Variants in PAX7 observed in about 807,000 individuals in gnomAD.
PAX7 encodes paired box protein Pax-7.
In PAX7, 18 loss-of-function variants were observed where a neutral mutation model predicts 50.7. That is an observed-to-expected ratio of 0.36 (90% CI 0.25 to 0.53). The LOEUF is 0.53. Ranked by LOEUF, PAX7 falls within the 20% of genes least tolerant of loss-of-function variation. The pLI, the probability that PAX7 is intolerant of heterozygous loss-of-function variation, is 0.93. For synonymous variants in PAX7, 310 were observed against 290.4 expected, an observed-to-expected ratio of 1.07 and a Z score of -0.69; for missense variants, 644 against 702.9, an observed-to-expected ratio of 0.92 and a Z score of 0.95.
intron 4 of PAX7, among the ~76,000 whole-genome samples, chr1:18,675,336 A>G (rs1057281522): frequency 6.6e-6 from 1 of 152,174 alleles, no homozygotes; most frequent in Non-Finnish European, 1.5e-5. Flanking sequence ...CAGCAACAGA[A>G]CCACAGCATC....
At chr1:18,679,742 G>T (rs1337664129) in intron 4 of PAX7, among the ~76,000 whole-genome samples, 1 of 152,178 alleles carries the variant, frequency 6.6e-6, no homozygotes, top group Non-Finnish European at 1.5e-5. Flanking sequence ...GATCTGCAAA[G>T]CCTCCACCGT....
chr1:18,691,300 T>A (rs1202829957), intron 4 of PAX7, among the ~76,000 whole-genome samples: 2 of 152,128 alleles, frequency 1.3e-5, no homozygotes, highest in Non-Finnish European at 2.9e-5. Context: ...AAAGTCAGGA[T>A]TATTGAGGTA....
chr1:18,643,810 G>A (rs1200120277), intron 4 of PAX7, among the ~76,000 whole-genome samples: 1 of 152,228 alleles, frequency 6.6e-6, no homozygotes, highest in East Asian at 1.9e-4. Context: ...TTAATTAGAG[G>A]CGAGCGAGCT....
At chr1:18,713,293 G>A (rs892600140) in intron 7 of PAX7, among the ~76,000 whole-genome samples, 2 of 152,126 alleles carry the variant, frequency 1.3e-5, no homozygotes, top group African/African-American at 4.8e-5. Context: ...TGTTGTCAGG[G>A]ACCATGGTCT....
chr1:18,733,993 G>A (rs2089679624), intron 7 of PAX7, among the ~76,000 whole-genome samples: 1 of 152,156 alleles, frequency 6.6e-6, no homozygotes, highest in Admixed American at 6.5e-5. Flanking sequence ...ACTGCTCAGG[G>A]ATACTCCCGA....
At chr1:18,691,153 C>CT (rs1271346700) in intron 4 of PAX7, among the ~76,000 whole-genome samples, 1 of 152,082 alleles carries the variant, frequency 6.6e-6, no homozygotes, top group Admixed American at 6.6e-5. Flanking sequence ...AATTTTCTTA[C>CT]TTTTTTCTGG....
In PAX7 at chr1:18,631,250, G is replaced by C. The variant is rs1346886471; in HGVS notation, c.-354G>C. 4.0e-6 allele frequency: 1 copy of C among 250,706 alleles called. No individual in the cohort carries two copies. Among genetic ancestry groups the C allele is most frequent in the Non-Finnish European group, 7.7e-6 (1 of 130,154 alleles). The allele number at this position is 250,706 out of a possible 1,614,324, so 15.5% of individuals were successfully genotyped here. On this transcript the variant is annotated 5_prime_UTR_variant, in exon 1 of 9. Transcript: ENST00000420770. ...CGTTCCCCCGGCCCCCCTCCGCCGCGGGGCCTGGTCTCCGGGTTCTGCCAG... is the reference window on the plus strand; with the variant it reads ...CGTTCCCCCGGCCCCCCTCCGCCGCCGGGCCTGGTCTCCGGGTTCTGCCAG...
chr1:18,631,469 G>A lies in PAX7; in HGVS notation c.-135G>A, dbSNP rs2088044472. ...GGTGGGGGGTGGGGGTAGGGAGTGT[G>A]TGTGGAGGGGAGGGAGAAGAGGTTA... On this transcript the variant is annotated 5_prime_UTR_variant, in exon 1 of 9. The change creates a new upstream start codon in the 5' untranslated region. Coordinates refer to ENST00000420770, the MANE Select transcript of PAX7 (RefSeq NM_001135254.2). 2 of 735,268 alleles carry A rather than the reference G, an allele frequency of 2.7e-6. No individual in the cohort carries two copies. The highest frequency in any genetic ancestry group is 1.8e-5 in the African/African-American group (1 of 57,114). The allele number at this position is 735,268 out of a possible 1,614,324, so 45.5% of individuals were successfully genotyped here. A position where few individuals can be genotyped will look rare whatever the true frequency, so the allele number is the denominator to read the frequency against.
chr1:18,677,780 A>C (rs1387527041), intron 4 of PAX7, among the ~76,000 whole-genome samples: 1 of 152,180 alleles, frequency 6.6e-6, no homozygotes, highest in African/African-American at 2.4e-5. Flanking sequence ...CAGTTCCTTT[A>C]GACTGTGATT....
chr1:18,649,697 G>A (rs1211749948), intron 4 of PAX7, among the ~76,000 whole-genome samples: 4 of 152,192 alleles, frequency 2.6e-5, no homozygotes, highest in East Asian at 1.9e-4. Flanking sequence ...CTGCTGAAGG[G>A]TTAGTCTGTC....
chr1:18,699,011 C>G (rs563862880), intron 5 of PAX7, among the ~76,000 whole-genome samples: 1 of 152,318 alleles, frequency 6.6e-6, no homozygotes, highest in East Asian at 1.9e-4. Context: ...CTTCACCCCC[C>G]ATCAGGATGG....
intron 4 of PAX7, among the ~76,000 whole-genome samples, chr1:18,678,076 C>T (rs1340163490): frequency 2.1e-5 from 2 of 94,914 alleles, no homozygotes; most frequent in East Asian, 2.6e-4. Flanking sequence ...AGCGAGACTC[C>T]GTCTGAAAAA....
intron 4 of PAX7, among the ~76,000 whole-genome samples, chr1:18,654,903 C>T (rs1408921510): frequency 6.6e-6 from 1 of 152,198 alleles, no homozygotes; most frequent in Non-Finnish European, 1.5e-5. Flanking sequence ...ATCCAGGCCT[C>T]TCAGGCTTTG....
intron 4 of PAX7, among the ~76,000 whole-genome samples, chr1:18,646,843 C>A (rs574469431): frequency 1.3e-5 from 2 of 151,144 alleles, no homozygotes; most frequent in Non-Finnish European, 3.0e-5. Context: ...CCACAAAGAG[C>A]CCCCATTATC....
At chr1:18,741,806 G>A (rs977047664) in intron 8 of PAX7, among the ~76,000 whole-genome samples, 6 of 152,174 alleles carry the variant, frequency 3.9e-5, no homozygotes, top group East Asian at 1.9e-4. Flanking sequence ...CAGAATTTGG[G>A]GTGCAGAGCA....
intron 4 of PAX7, among the ~76,000 whole-genome samples, chr1:18,673,470 C>T (rs1475102804): frequency 6.6e-6 from 1 of 152,152 alleles, no homozygotes; most frequent in Non-Finnish European, 1.5e-5. Context: ...ATTGTACCAC[C>T]CCCTGCTAGT....
intron 5 of PAX7, among the ~76,000 whole-genome samples, chr1:18,695,207 G>GA (rs1273473995): frequency 2.7e-4 from 29 of 105,620 alleles, no homozygotes; most frequent in African/African-American, 1.1e-3. Flanking sequence ...ATGATTACAT[G>GA]TAAAAAAAAA....
intron 1 of PAX7, among the ~76,000 whole-genome samples, chr1:18,633,197 A>G (rs1570096546): frequency 6.6e-6 from 1 of 152,158 alleles, no homozygotes; most frequent in African/African-American, 2.4e-5. Flanking sequence ...ACGGCCCAGC[A>G]GCGGAGCCTC....
intron 4 of PAX7, among the ~76,000 whole-genome samples, chr1:18,681,092 G>T (rs567597022): frequency 2.0e-5 from 3 of 147,932 alleles, no homozygotes; most frequent in Non-Finnish European, 4.5e-5. Context: ...GCTTGAACCT[G>T]GGAGGCGGAG....
Sources: gnomAD v4.1 joint callset for allele counts (sites outside exome capture counted in the v4.1 genomes callset) on GRCh38, gnomAD v4.1.1 for gene constraint, MANE v1.5 for transcripts, NCBI Gene and HGNC (gene_info 2026-07-23, HGNC 2026-07-21) for gene names.